BLTP3B: variants seen among roughly 807,000 people sequenced by gnomAD.
BLTP3B encodes the protein bridge-like lipid transfer protein family member 3B.
At chr12:100,080,773 G>C in the BLTP3B span, among the ~76,000 whole-genome samples, 2 of 142,002 alleles carry the variant, frequency 1.4e-5, no homozygotes, top group African/African-American at 5.1e-5. Context: ...GGACAGTTAG[G>C]AATGCATGAT....
At chr12:100,059,101 T>C in the BLTP3B span, 4 of 1,613,958 alleles carry the variant, frequency 2.5e-6, no homozygotes, top group Admixed American at 1.7e-5. Context: ...CAAATCCAAA[T>C]GGAAAGAGGG....
chr12:100,077,924 T>C, the BLTP3B span, among the ~76,000 whole-genome samples: 16 of 152,256 alleles, frequency 1.1e-4, no homozygotes, highest in East Asian at 2.9e-3. Flanking sequence ...TAGTATACTG[T>C]AGTTCCGTAA....
the BLTP3B span, among the ~76,000 whole-genome samples, chr12:100,048,794 GT>G: frequency 2.3e-3 from 345 of 151,296 alleles, 1 homozygote; most frequent in African/African-American, 8.1e-3. Flanking sequence ...GTGTGTGTGT[GT>G]GTGTGTGTGT....
the BLTP3B span, among the ~76,000 whole-genome samples, chr12:100,078,952 G>A: frequency 2.0e-5 from 3 of 152,168 alleles, no homozygotes; most frequent in African/African-American, 7.2e-5. Flanking sequence ...TTTAAAAATA[G>A]GAGTTTCCCT....
the BLTP3B span, among the ~76,000 whole-genome samples, chr12:100,124,885 A>G: frequency 7.0e-6 from 1 of 142,892 alleles, no homozygotes; most frequent in Non-Finnish European, 1.5e-5. Context: ...TCACACCACT[A>G]TACTCCCACC....
the BLTP3B span, among the ~76,000 whole-genome samples, chr12:100,099,991 T>TA: frequency 0.018 from 2,576 of 142,198 alleles, 56 homozygotes; most frequent in African/African-American, 0.049. Flanking sequence ...TATAAATTAT[T>TA]AAAAAAAAAA....
the BLTP3B span, chr12:100,072,522 C>G: frequency 1.1e-5 from 8 of 703,762 alleles, no homozygotes; most frequent in Admixed American, 4.0e-5. Flanking sequence ...GCCTGGGCAA[C>G]ACAGTGAGAT....
the BLTP3B span, among the ~76,000 whole-genome samples, chr12:100,099,705 C>G: frequency 6.6e-6 from 1 of 151,404 alleles, no homozygotes; most frequent in Non-Finnish European, 1.5e-5. Context: ...TGAGATGAAA[C>G]CACTGCACTC....
the BLTP3B span, among the ~76,000 whole-genome samples, chr12:100,100,451 C>G: frequency 5.3e-5 from 8 of 152,144 alleles, no homozygotes; most frequent in African/African-American, 1.9e-4. Flanking sequence ...TAGCTCACAG[C>G]TATAATCCAA....
chr12:100,079,270 T>C, the BLTP3B span, among the ~76,000 whole-genome samples: 3 of 152,096 alleles, frequency 2.0e-5, no homozygotes, highest in Non-Finnish European at 1.5e-5. Context: ...ACAGGAAAAT[T>C]TGGGAAAGTT....
chr12:100,118,302 G>A, the BLTP3B span, among the ~76,000 whole-genome samples: 1 of 151,898 alleles, frequency 6.6e-6, no homozygotes, highest in African/African-American at 2.4e-5. Flanking sequence ...TGAGGCAGGA[G>A]GACTGCTTAA....
chr12:100,050,560 T>C, the BLTP3B span, among the ~76,000 whole-genome samples: 1 of 152,148 alleles, frequency 6.6e-6, no homozygotes, highest in Non-Finnish European at 1.5e-5. Flanking sequence ...ACATAATATA[T>C]TTTTCAAGTC....
chr12:100,121,689 C>T, the BLTP3B span, among the ~76,000 whole-genome samples: 44 of 151,938 alleles, frequency 2.9e-4, no homozygotes, highest in Middle Eastern at 3.4e-3. Context: ...AATTAGCGGG[C>T]GTGGTGGCGC....
At chr12:100,110,535 C>CCAGT in the BLTP3B span, among the ~76,000 whole-genome samples, 1 of 152,110 alleles carries the variant, frequency 6.6e-6, no homozygotes, top group African/African-American at 2.4e-5. Context: ...TGCAGACACA[C>CCAGT]ATACTGGGAA....
At chr12:100,077,779 A>G in the BLTP3B span, among the ~76,000 whole-genome samples, 1 of 152,240 alleles carries the variant, frequency 6.6e-6, no homozygotes, top group Non-Finnish European at 1.5e-5. Flanking sequence ...AATAGATCAT[A>G]TATTATCGTG....
At chr12:100,043,840 G>A in the BLTP3B span, among the ~76,000 whole-genome samples, 1 of 152,206 alleles carries the variant, frequency 6.6e-6, no homozygotes, top group East Asian at 1.9e-4. Flanking sequence ...TCATGCTGTT[G>A]CCTCAGGGGC....
the BLTP3B span, among the ~76,000 whole-genome samples, chr12:100,124,112 T>G: frequency 6.6e-6 from 1 of 151,852 alleles, no homozygotes; most frequent in African/African-American, 2.4e-5. Context: ...GAGAATTTTT[T>G]TTTTTTTTTT....
chr12:100,116,665 T>C, the BLTP3B span, among the ~76,000 whole-genome samples: 1 of 152,134 alleles, frequency 6.6e-6, no homozygotes. Context: ...TAAAATTGCT[T>C]TTCCCCTAAG....
chr12:100,129,318 A>T, the BLTP3B span, among the ~76,000 whole-genome samples: 1 of 152,204 alleles, frequency 6.6e-6, no homozygotes, highest in Admixed American at 6.5e-5. Flanking sequence ...AATTTTCCGG[A>T]TATGATTCAA....
Sources: gnomAD v4.1 joint callset for allele counts (sites outside exome capture counted in the v4.1 genomes callset) on GRCh38, gnomAD v4.1.1 for gene constraint, MANE v1.5 for transcripts, NCBI Gene and HGNC (gene_info 2026-07-23, HGNC 2026-07-21) for gene names.